Variants in MAST2 observed in about 807,000 individuals in gnomAD.
MAST2 encodes microtubule associated serine/threonine kinase 2.
In MAST2, 70 loss-of-function variants were observed where a neutral mutation model predicts 147.4. The observed-to-expected ratio is 0.47, with a 90% CI of 0.39 to 0.58. MAST2 has a LOEUF of 0.58. MAST2 is among the 20% of genes least tolerant of loss of function. The probability of loss-of-function intolerance (pLI) is 0.00; values close to 1 mark genes in which losing one functional copy is unlikely to be tolerated. For synonymous variants in MAST2, 869 were observed against 896.8 expected (o/e 0.97, Z 0.55); for missense variants, 2,080 against 2,302.3 (o/e 0.90, Z 1.98).
chr1:45,986,972 G>A (rs1254718821), intron 5 of MAST2, among the ~76,000 whole-genome samples: 2 of 152,030 alleles, frequency 1.3e-5, no homozygotes, highest in African/African-American at 4.8e-5. Flanking sequence ...TTATATGTTT[G>A]GCAGAATTGT....
At chr1:46,022,996 A>G (rs1368152939) in intron 13 of MAST2, 25 bp downstream of exon 13, 3 of 1,603,172 alleles carry the variant, frequency 1.9e-6, no homozygotes, top group Non-Finnish European at 2.6e-6. Flanking sequence ...CTCCTACCCC[A>G]TTCCTGGAGC....
At chr1:45,943,069 A>G (rs1657536818) in intron 4 of MAST2, among the ~76,000 whole-genome samples, 1 of 152,180 alleles carries the variant, frequency 6.6e-6, no homozygotes, top group Non-Finnish European at 1.5e-5. Flanking sequence ...AGAAGTGAAA[A>G]ATTAACATGT....
intron 3 of MAST2, among the ~76,000 whole-genome samples, chr1:45,875,290 A>G (rs550593219): frequency 6.6e-6 from 1 of 152,258 alleles, no homozygotes; most frequent in East Asian, 1.9e-4. Flanking sequence ...TACTAAAAAT[A>G]CAAAAATTAG....
intron 8 of MAST2, chr1:46,006,734 C>T (rs1225504851): frequency 1.7e-5 from 3 of 181,620 alleles, no homozygotes; most frequent in Non-Finnish European, 3.4e-5. Flanking sequence ...TACAGCTCAA[C>T]CCATCACCCC....
chr1:45,913,808 C>T, intron 4 of MAST2: 1 of 1,179,396 alleles, frequency 8.5e-7, no homozygotes, highest in Non-Finnish European at 1.1e-6. Context: ...AGTGTGAGGG[C>T]AAAACTTGAG....
chr1:45,883,849 G>A (rs1409481177), intron 4 of MAST2, among the ~76,000 whole-genome samples: 1 of 120,764 alleles, frequency 8.3e-6, no homozygotes, highest in Non-Finnish European at 1.6e-5. Flanking sequence ...TAACTGAAAA[G>A]GAGTAGCTTT....
chr1:45,834,615 T>G (rs1645049931), intron 3 of MAST2, among the ~76,000 whole-genome samples: 1 of 152,190 alleles, frequency 6.6e-6, no homozygotes. Flanking sequence ...ATTATTTGTA[T>G]TCTTAAAATA....
intron 3 of MAST2, among the ~76,000 whole-genome samples, chr1:45,881,681 A>G (rs1260489720): frequency 1.3e-5 from 2 of 151,938 alleles, no homozygotes; most frequent in East Asian, 1.9e-4. Context: ...CCCTAATCCT[A>G]TTTCATTCCT....
In MAST2 at chr1:46,022,219, A is replaced by T. The variant is rs181665427; in HGVS notation, c.1423+137A>T. 1.7e-3 allele frequency: 1,803 copies of T among 1,039,278 alleles called. 6 individuals carry two copies. The highest frequency in any genetic ancestry group is 1.8e-3 in the Non-Finnish European group (1,260 of 718,210). 64.4% of individuals were successfully genotyped at this position (1,039,278 alleles called of 1,614,324 possible). A position where few individuals can be genotyped will look rare whatever the true frequency, so the allele number is the denominator to read the frequency against. ...CCCGGGGGCCTCAGGATTTTAGGAG[A>T]TACCCTGTGATCTCTGTGACAAAAC... is the stretch of plus-strand genomic sequence containing the variant. On this transcript the variant is annotated intron_variant, in intron 12 of 28. Coordinates refer to ENST00000361297, the MANE Select transcript of MAST2 (RefSeq NM_015112.3).
In MAST2 at chr1:45,829,516, T is replaced by G; in HGVS notation, c.403T>G (p.Ser135Ala). The G allele has an allele frequency of 6.2e-7, 1 of 1,614,200 alleles. No homozygotes were observed. The highest frequency in any genetic ancestry group is 8.5e-7 in the Non-Finnish European group (1 of 1,180,020). Reference sequence around the variant, plus strand: ...GACTTGGCAGTCGTCAGGAGAAGCATCAAACCTGGTTCGAATGAGAAACCA... The same window carrying G: ...GACTTGGCAGTCGTCAGGAGAAGCAGCAAACCTGGTTCGAATGAGAAACCA... ...QVTWQSSGEASNLVRMRNQSL... is the reference protein window; with the variant it reads ...QVTWQSSGEAANLVRMRNQSL... The change falls in exon 3 of 29, where the codon TCA becomes GCA. Residue 135 changes from serine to alanine, a missense_variant. By Grantham distance (99) the Ser-to-Ala change is moderately conservative. Coordinates refer to ENST00000361297, the MANE Select transcript of MAST2 (RefSeq NM_015112.3).
At chr1:46,030,485 T>C in intron 21 of MAST2, 122 bp from the exon 22 acceptor site, 1 of 1,156,782 alleles carries the variant, frequency 8.6e-7, no homozygotes, top group Non-Finnish European at 1.2e-6. Context: ...AGCAGGGGTG[T>C]GTGAAGGAGG....
Position 46,030,223 on chromosome 1 carries a change from T to G in MAST2, c.2538T>G (p.Ser846=), listed in dbSNP as rs780267615. ...CLEIRQFSSC[S]PRFNKVYSSM... ...AGATCCGCCAGTTCTCTTCCTGCTC[T>G]CCAAGGTTCAACAAGGTGTGACTGA... The change falls in exon 21 of 29, where the codon TCT becomes TCG. Residue 846 remains serine (S), a synonymous_variant. Coordinates refer to ENST00000361297, the MANE Select transcript of MAST2 (RefSeq NM_015112.3). 8.1e-6 allele frequency: 13 copies of G among 1,614,026 alleles called. No homozygotes were observed. The highest frequency in any genetic ancestry group is 1.1e-5 in the Non-Finnish European group (13 of 1,180,024).
In MAST2 at chr1:46,022,942, G is replaced by T. The variant is rs780166307; in HGVS notation, c.1456G>T (p.Asp486Tyr). 1 of 1,614,190 alleles carries T rather than the reference G, an allele frequency of 6.2e-7. No individual in the cohort carries two copies. The highest frequency in any genetic ancestry group is 1.1e-5 in the South Asian group (1 of 91,084). ...MAQLSSCDSP[D>Y]TPETDDSIEG... is the part of the protein sequence containing the mutation. The stretch of plus-strand genomic sequence containing the variant: ...CCAGTTGAGCAGCTGTGACAGTCCT[G>T]ACACTCCAGAGACAGATGATTCTAT... Residue 486 changes from aspartate to tyrosine, a missense_variant, in exon 13 of 29, where the codon GAC becomes TAC. Physicochemically the swap from Asp to Tyr is radical, Grantham distance 160. Transcript: ENST00000361297.
At chr1:46,018,474 G>A (rs1646050900) in intron 10 of MAST2, among the ~76,000 whole-genome samples, 1 of 152,186 alleles carries the variant, frequency 6.6e-6, no homozygotes, top group Non-Finnish European at 1.5e-5. Flanking sequence ...AGAGTAAAAG[G>A]AGTAGGTCTT....
intron 4 of MAST2, among the ~76,000 whole-genome samples, chr1:45,954,938 G>A (rs1659437767): frequency 6.6e-6 from 1 of 152,188 alleles, no homozygotes; most frequent in Admixed American, 6.5e-5. Context: ...TCAGACACAA[G>A]GATTTAGATA....
chr1:46,028,640 T>G, intron 17 of MAST2, 128 bp from the exon 18 acceptor site: 1 of 905,520 alleles, frequency 1.1e-6, no homozygotes. Context: ...ATCTTGTTCA[T>G]TAACTAAGGT....
chr1:45,896,623 A>G (rs539549763), intron 4 of MAST2, among the ~76,000 whole-genome samples: 100 of 152,340 alleles, frequency 6.6e-4, no homozygotes, highest in Non-Finnish European at 4.6e-4. Context: ...GGAACATTAA[A>G]GTGAAAGGAG....
chr1:46,033,272 CAAAAAAAA>C (rs59507952), intron 26 of MAST2, among the ~76,000 whole-genome samples: 4 of 95,096 alleles, frequency 4.2e-5, no homozygotes, highest in Admixed American at 1.1e-4. Context: ...ACTCTGTTTC[CAAAAAAAA>C]AAAAAAAAAT....
chr1:45,865,049 G>GC (rs1646098850), intron 3 of MAST2: 1 of 450,850 alleles, frequency 2.2e-6, no homozygotes, highest in African/African-American at 2.0e-5. Context: ...CAGTAAGTAG[G>GC]CACTAGTAGT....
Sources: allele counts gnomAD v4.1 joint callset (sites outside exome capture counted in the v4.1 genomes callset), GRCh38; gene constraint gnomAD v4.1.1; transcripts MANE v1.5; gene names NCBI Gene and HGNC (gene_info 2026-07-23, HGNC 2026-07-21).